The following ENOX1 variants were observed in gnomAD, a reference collection of about 807,000 sequenced individuals.
ENOX1 encodes the protein ecto-NOX disulfide-thiol exchanger 1, also known as candidate growth-related and time keeping constitutive hydroquinone (NADH) oxidase.
ENOX1 carries 42 observed loss-of-function variants against 82.5 expected under a neutral mutation model. The observed-to-expected ratio is 0.51, with a 90% CI of 0.40 to 0.66. ENOX1 has a LOEUF of 0.66. ENOX1 is among the 30% of genes least tolerant of loss of function. The probability of loss-of-function intolerance (pLI) is 0.00; values close to 1 mark genes in which losing one functional copy is unlikely to be tolerated. For synonymous variants in ENOX1, 271 were observed against 282.2 expected (o/e 0.96, Z 0.40); for missense variants, 608 against 811.6 (o/e 0.75, Z 3.05).
chr13:43,755,828 A>G (rs1387026426), intron 1 of ENOX1, among the ~76,000 whole-genome samples: 16 of 152,272 alleles, frequency 1.1e-4, no homozygotes, highest in Admixed American at 1.0e-3. Context: ...CCAGTAAAGC[A>G]TTAGAGATAA....
At chr13:43,245,176 C>T (rs1439056388) in intron 14 of ENOX1, among the ~76,000 whole-genome samples, 1 of 152,112 alleles carries the variant, frequency 6.6e-6, no homozygotes, top group Non-Finnish European at 1.5e-5. Flanking sequence ...ATATTGAAAA[C>T]ATGATGATTT....
At chr13:43,277,341 G>A (rs1022911261) in intron 12 of ENOX1, among the ~76,000 whole-genome samples, 3 of 152,186 alleles carry the variant, frequency 2.0e-5, no homozygotes, top group African/African-American at 7.2e-5. Flanking sequence ...CCTGTTCCCT[G>A]ACCCTGCTGT....
chr13:43,743,770 A>C (rs181208675), intron 1 of ENOX1, among the ~76,000 whole-genome samples: 1 of 152,210 alleles, frequency 6.6e-6, no homozygotes, highest in Non-Finnish European at 1.5e-5. Context: ...TTGTAATGCT[A>C]TAACAGAATA....
chr13:43,411,187 G>A (rs747906545), intron 5 of ENOX1, among the ~76,000 whole-genome samples: 11 of 151,948 alleles, frequency 7.2e-5, no homozygotes, highest in South Asian at 2.1e-4. Context: ...AGGTGTTGGT[G>A]TTTTGTTTTG....
chr13:43,716,718 G>T (rs1041699620), intron 1 of ENOX1, among the ~76,000 whole-genome samples: 26 of 151,488 alleles, frequency 1.7e-4, no homozygotes, highest in African/African-American at 5.8e-4. Flanking sequence ...AAAATCAGTA[G>T]CAGTCCTATA....
chr13:43,354,430 G>C (rs1205315117), intron 8 of ENOX1, among the ~76,000 whole-genome samples: 1 of 151,740 alleles, frequency 6.6e-6, no homozygotes, highest in Non-Finnish European at 1.5e-5. Flanking sequence ...AGCCCTGGAT[G>C]GGGGATGAAG....
intron 2 of ENOX1, among the ~76,000 whole-genome samples, chr13:43,595,962 T>G (rs1282177473): frequency 2.0e-5 from 3 of 152,184 alleles, no homozygotes; most frequent in African/African-American, 7.2e-5. Flanking sequence ...TTTCTAAGAA[T>G]TCCTCTTCAA....
At chr13:43,637,717 A>G (rs531206676) in intron 2 of ENOX1, among the ~76,000 whole-genome samples, 2 of 152,196 alleles carry the variant, frequency 1.3e-5, no homozygotes, top group South Asian at 2.1e-4. Context: ...TTTTCAAACT[A>G]CCTTTTCATT....
At chr13:43,668,966 T>C (rs1408553420) in intron 1 of ENOX1, among the ~76,000 whole-genome samples, 1 of 152,248 alleles carries the variant, frequency 6.6e-6, no homozygotes, top group East Asian at 1.9e-4. Context: ...AATATTTGTA[T>C]GCATGAGCTA....
intron 2 of ENOX1, among the ~76,000 whole-genome samples, chr13:43,511,742 G>A (rs2077376549): frequency 1.3e-5 from 2 of 152,022 alleles, no homozygotes; most frequent in Admixed American, 1.3e-4. Context: ...TTAGACCATT[G>A]GTCTGCATCA....
At chr13:43,570,169 T>G (rs1410263584) in intron 2 of ENOX1, among the ~76,000 whole-genome samples, 1 of 152,136 alleles carries the variant, frequency 6.6e-6, no homozygotes, top group Non-Finnish European at 1.5e-5. Context: ...CAGACTGCAT[T>G]GTGAGATGCC....
At chr13:43,756,185 G>C (rs1950629049) in intron 1 of ENOX1, among the ~76,000 whole-genome samples, 1 of 152,050 alleles carries the variant, frequency 6.6e-6, no homozygotes, top group Non-Finnish European at 1.5e-5. Context: ...CCCAGCACTT[G>C]GGAGGCCAAG....
At chr13:43,551,818 C>T (rs1171906442) in intron 2 of ENOX1, among the ~76,000 whole-genome samples, 1 of 152,226 alleles carries the variant, frequency 6.6e-6, no homozygotes, top group African/African-American at 2.4e-5. Context: ...CACACCACCT[C>T]AGACAAGATG....
At chr13:43,659,378 T>C (rs549791348) in intron 2 of ENOX1, among the ~76,000 whole-genome samples, 79 of 151,932 alleles carry the variant, frequency 5.2e-4, no homozygotes, top group South Asian at 1.5e-3. Context: ...TAATCCCAGC[T>C]ACTAGGGAGG....
intron 2 of ENOX1, among the ~76,000 whole-genome samples, chr13:43,579,519 T>C (rs1352003421): frequency 6.6e-6 from 1 of 152,206 alleles, no homozygotes; most frequent in African/African-American, 2.4e-5. Flanking sequence ...TTCTACTATT[T>C]TCACAAGGGA....
At chr13:43,430,386 T>C (rs368457531) in intron 3 of ENOX1, among the ~76,000 whole-genome samples, 11 of 152,342 alleles carry the variant, frequency 7.2e-5, no homozygotes, top group African/African-American at 2.6e-4. Context: ...TTGACCTACA[T>C]ATACTGAAGC....
At chr13:43,621,920 C>G (rs528520569) in intron 2 of ENOX1, among the ~76,000 whole-genome samples, 1 of 152,228 alleles carries the variant, frequency 6.6e-6, no homozygotes, top group South Asian at 2.1e-4. Flanking sequence ...TAACATAACC[C>G]CAGACTTCTT....
rs1334044275 is a variant in ENOX1, at chr13:43,315,013, C to T, written c.1261+7371G>A. 2.2e-4 allele frequency among the ~76,000 whole-genome samples: 34 copies of T among 152,142 alleles called. 1 individual carries two copies. The highest frequency in any genetic ancestry group is 2.2e-3 in the Admixed American group (33 of 15,282). On this transcript the variant is annotated intron_variant, in intron 11 of 16. Transcript: ENST00000690772. Reference sequence around the variant, plus strand: ...AAAGAAAACTTTTAACAAAGGCTTGCTTGTTACACAAGGACTCTTGTCTGA... The same window carrying T: ...AAAGAAAACTTTTAACAAAGGCTTGTTTGTTACACAAGGACTCTTGTCTGA...
chr13:43,336,149 G>C lies in ENOX1; in HGVS notation c.1036+8389C>G, dbSNP rs182634038. ...ATAAAATTCCTTTTTGACAGCAGGG[G>C]ACATAGAAGCCAAATTTCCCTTGGT... On this transcript the variant is annotated intron_variant, in intron 9 of 16. Coordinates refer to ENST00000690772, the MANE Select transcript of ENOX1 (RefSeq NM_001347969.2). Among the ~76,000 whole-genome samples, 16 of 152,304 alleles carry C rather than the reference G, an allele frequency of 1.1e-4. No individual in the cohort carries two copies. The East Asian group carries it at 3.1e-3, about 29-fold the overall frequency.
Sources: allele counts gnomAD v4.1 joint callset (sites outside exome capture counted in the v4.1 genomes callset), GRCh38; gene constraint gnomAD v4.1.1; transcripts MANE v1.5; gene names NCBI Gene and HGNC (gene_info 2026-07-23, HGNC 2026-07-21).